Variants in PRKCA observed in about 807,000 individuals in gnomAD.
PRKCA encodes the protein protein kinase C alpha.
In PRKCA, 27 loss-of-function variants were observed where a neutral mutation model predicts 87.0. The ratio of observed to expected loss-of-function variants is 0.31; its 90% CI spans 0.23 to 0.43. PRKCA has a LOEUF of 0.43. Ranked by LOEUF, PRKCA falls within the 20% of genes least tolerant of loss-of-function variation. The pLI is 1.00. For missense variants in PRKCA, 518 were observed against 852.3 expected, an observed-to-expected ratio of 0.61 and a Z score of 4.88; for synonymous variants, 329 against 311.1, an observed-to-expected ratio of 1.06 and a Z score of -0.61.
chr17:66,595,202 CTG>C (rs1306667090), intron 3 of PRKCA, among the ~76,000 whole-genome samples: 1 of 152,132 alleles, frequency 6.6e-6, no homozygotes, highest in Non-Finnish European at 1.5e-5. Context: ...AGATCTCACT[CTG>C]TTGCCCAGGC....
intron 3 of PRKCA, among the ~76,000 whole-genome samples, chr17:66,595,795 G>A (rs1969957335): frequency 6.6e-6 from 1 of 152,118 alleles, no homozygotes; most frequent in Non-Finnish European, 1.5e-5. Context: ...CAGATACCAG[G>A]GATTAGGACT....
At chr17:66,583,231 A>C (rs914127726) in intron 3 of PRKCA, among the ~76,000 whole-genome samples, 2 of 152,190 alleles carry the variant, frequency 1.3e-5, no homozygotes, top group African/African-American at 4.8e-5. Flanking sequence ...GAGAAGTTAC[A>C]TATTAAGTGA....
At chr17:66,464,302 A>G (rs1914989633) in intron 2 of PRKCA, among the ~76,000 whole-genome samples, 1 of 152,120 alleles carries the variant, frequency 6.6e-6, no homozygotes, top group Non-Finnish European at 1.5e-5. Context: ...GTTGCTTTCA[A>G]GTTTGGGGCA....
At chr17:66,573,771 G>GA (rs1239120675) in intron 3 of PRKCA, among the ~76,000 whole-genome samples, 2 of 152,082 alleles carry the variant, frequency 1.3e-5, no homozygotes, top group African/African-American at 2.4e-5. Flanking sequence ...AATATACACT[G>GA]AACTCATAAA....
intron 3 of PRKCA, among the ~76,000 whole-genome samples, chr17:66,497,033 G>A (rs1477455297): frequency 1.3e-5 from 2 of 152,180 alleles, no homozygotes; most frequent in African/African-American, 4.8e-5. Flanking sequence ...TTACTCCAGG[G>A]GATTCTTGCT....
At chr17:66,413,657 A>G (rs1485167783) in intron 2 of PRKCA, among the ~76,000 whole-genome samples, 1 of 151,998 alleles carries the variant, frequency 6.6e-6, no homozygotes, top group African/African-American at 2.4e-5. Flanking sequence ...TGTGTCAGAC[A>G]CTCCGGTCTC....
chr17:66,421,597 A>G (rs1171163026), intron 2 of PRKCA, among the ~76,000 whole-genome samples: 2 of 151,580 alleles, frequency 1.3e-5, no homozygotes, highest in Non-Finnish European at 2.9e-5. Context: ...TAGTGGCACC[A>G]TCTCAGCTCA....
chr17:66,522,581 A>T lies in PRKCA; in HGVS notation c.288+26298A>T, dbSNP rs962339918. Reference sequence around the variant, plus strand: ...TGTGCTTGTGGAATAAAGAGACCGAATTCCTTCTGTACTGGGGGTTCATGC... The same window carrying T: ...TGTGCTTGTGGAATAAAGAGACCGATTTCCTTCTGTACTGGGGGTTCATGC... On this transcript the variant is annotated intron_variant, in intron 3 of 16. Coordinates refer to ENST00000413366, the MANE Select transcript of PRKCA (RefSeq NM_002737.3). Among the ~76,000 whole-genome samples the T allele has an allele frequency of 2.6e-5, 4 of 152,204 alleles. No individual in the cohort carries two copies. In the East Asian group the frequency reaches 7.7e-4, roughly 29 times the overall value.
At chr17:66,788,184 G>A (rs573565401) in intron 15 of PRKCA, among the ~76,000 whole-genome samples, 66 of 152,292 alleles carry the variant, frequency 4.3e-4, no homozygotes, top group African/African-American at 1.5e-3. Flanking sequence ...AGTATCTGGT[G>A]AGTGTGATCA....
intron 11 of PRKCA, 95 bp downstream of exon 11, chr17:66,738,950 A>C: frequency 3.9e-5 from 37 of 940,468 alleles, no homozygotes; most frequent in Non-Finnish European, 5.8e-5. Context: ...TGGGGGTCTC[A>C]CTCTGTCACT....
chr17:66,380,237 A>G (rs756501039), intron 2 of PRKCA, among the ~76,000 whole-genome samples: 6 of 151,826 alleles, frequency 4.0e-5, no homozygotes, highest in Non-Finnish European at 7.4e-5. Context: ...GTTGTATTCA[A>G]CCTTATGAGA....
chr17:66,441,126 C>T (rs1210032916), intron 2 of PRKCA, among the ~76,000 whole-genome samples: 1 of 145,052 alleles, frequency 6.9e-6, no homozygotes, highest in Non-Finnish European at 1.5e-5. Context: ...CGCGGCACTG[C>T]ACTCCAGCCT....
intron 3 of PRKCA, among the ~76,000 whole-genome samples, chr17:66,526,901 G>A (rs912814440): frequency 6.6e-6 from 1 of 152,140 alleles, no homozygotes; most frequent in African/African-American, 2.4e-5. Context: ...TTTGGTCTGC[G>A]TATAACATTG....
intron 3 of PRKCA, among the ~76,000 whole-genome samples, chr17:66,513,066 T>C (rs1917313756): frequency 6.6e-6 from 1 of 152,212 alleles, no homozygotes; most frequent in South Asian, 2.1e-4. Flanking sequence ...ATTTATTTGT[T>C]ACTTGATTAT....
intron 8 of PRKCA, among the ~76,000 whole-genome samples, chr17:66,711,094 A>G (rs986551153): frequency 6.7e-6 from 1 of 150,286 alleles, no homozygotes; most frequent in African/African-American, 2.5e-5. Flanking sequence ...TTACCAAGCA[A>G]ATATCAAAAC....
intron 3 of PRKCA, among the ~76,000 whole-genome samples, chr17:66,549,341 T>C (rs1968257413): frequency 6.6e-6 from 1 of 152,066 alleles, no homozygotes; most frequent in Non-Finnish European, 1.5e-5. Context: ...AGTGAGGAAA[T>C]GCAAATTTGC....
rs1479051622 is a variant in PRKCA at position 66,618,581 on chromosome 17, G to C, written c.289-22774G>C. ...AAACTTTACTACCAGGTACAGTTTT[G>C]AGAAAGCTCTGGGACATTGAATAGC... On this transcript the variant is annotated intron_variant, in intron 3 of 16. Transcript: ENST00000413366. Among the ~76,000 whole-genome samples the C allele has an allele frequency of 5.9e-5, 9 of 152,112 alleles. No individual in the cohort carries two copies. The East Asian group carries it at 1.7e-3, about 29-fold the overall frequency.
At chr17:66,455,410 A>T (rs9891707) in intron 2 of PRKCA, among the ~76,000 whole-genome samples, 2,539 of 152,254 alleles carry the variant, frequency 0.017, 80 homozygotes, top group African/African-American at 0.057. Context: ...ATGCTGTGAG[A>T]AGAAAAGGTC....
chr17:66,330,131 G>A (rs1406363031), intron 2 of PRKCA, among the ~76,000 whole-genome samples: 3 of 141,768 alleles, frequency 2.1e-5, no homozygotes, highest in Non-Finnish European at 3.0e-5. Context: ...TTTAAACAGA[G>A]TTTCACTCTT....
Sources: allele counts gnomAD v4.1 joint callset (sites outside exome capture counted in the v4.1 genomes callset), GRCh38; gene constraint gnomAD v4.1.1; transcripts MANE v1.5; gene names NCBI Gene and HGNC (gene_info 2026-07-23, HGNC 2026-07-21).